Variants in PBK observed in about 807,000 individuals in gnomAD.
PBK encodes the protein PDZ binding kinase.
A neutral mutation model predicts 33.5 loss-of-function variants in PBK; 22 were observed. That is an observed-to-expected ratio of 0.66 (90% CI 0.47 to 0.94). The LOEUF (loss-of-function observed/expected upper bound fraction) is 0.94. Among genes scored for constraint, PBK ranks in the 40% least tolerant of loss-of-function variants. The pLI, the probability that PBK is intolerant of heterozygous loss-of-function variation, is 0.00. For missense variants in PBK, 376 were observed against 383.4 expected (o/e 0.98, Z 0.16); for synonymous variants, 129 against 123.8 (o/e 1.04, Z -0.28).
At chr8:27,819,746 C>G (rs9650425) in intron 6 of PBK, among the ~76,000 whole-genome samples, 23,842 of 151,720 alleles carry the variant, frequency 0.16, 2,351 homozygotes, top group East Asian at 0.36. Context: ...CTTTAAAAAC[C>G]CTCATTTTTA....
intron 6 of PBK, among the ~76,000 whole-genome samples, chr8:27,818,183 T>TGTAA (rs1383881552): frequency 6.6e-6 from 1 of 152,216 alleles, no homozygotes; most frequent in East Asian, 1.9e-4. Context: ...CCTTGGTTGT[T>TGTAA]GTAAGTCACT....
chr8:27,826,764 C>T (rs1206624432), intron 3 of PBK, among the ~76,000 whole-genome samples: 1 of 145,444 alleles, frequency 6.9e-6, no homozygotes, highest in Admixed American at 7.0e-5. Context: ...CCACTGCACT[C>T]CAGCCTGGGC....
chr8:27,814,532 A>G (rs538096250), intron 6 of PBK, among the ~76,000 whole-genome samples: 1 of 152,012 alleles, frequency 6.6e-6, no homozygotes, highest in Non-Finnish European at 1.5e-5. Flanking sequence ...ATTTCTGCTC[A>G]TAGCTTTATT....
At chr8:27,829,183 C>T (rs150113042) in intron 2 of PBK, among the ~76,000 whole-genome samples, 124 of 152,294 alleles carry the variant, frequency 8.1e-4, no homozygotes, top group African/African-American at 2.8e-3. Context: ...CCGCACATAA[C>T]AATGTGTAGA....
intron 1 of PBK, 116 bp from the exon 2 acceptor site, chr8:27,833,249 T>G: frequency 1.9e-6 from 1 of 539,076 alleles, no homozygotes; most frequent in Non-Finnish European, 3.2e-6. Flanking sequence ...CCCAGCACTT[T>G]GGGAGGCTGA....
intron 6 of PBK, among the ~76,000 whole-genome samples, chr8:27,816,943 T>C (rs561878465): frequency 6.6e-6 from 1 of 152,254 alleles, no homozygotes; most frequent in Non-Finnish European, 1.5e-5. Flanking sequence ...TAGTCTGTTC[T>C]GCTACAATGT....
intron 2 of PBK, among the ~76,000 whole-genome samples, chr8:27,832,699 G>A (rs1806152317): frequency 6.6e-6 from 1 of 152,168 alleles, no homozygotes; most frequent in Non-Finnish European, 1.5e-5. Context: ...ATATCTAGGT[G>A]TTTGTTGAAA....
chr8:27,823,641 T>C (rs1805972396), intron 3 of PBK, among the ~76,000 whole-genome samples: 1 of 152,004 alleles, frequency 6.6e-6, no homozygotes, highest in East Asian at 1.9e-4. Flanking sequence ...TATATCATCA[T>C]CCAAAGAACA....
intron 6 of PBK, among the ~76,000 whole-genome samples, chr8:27,814,770 T>C (rs974348098): frequency 6.6e-6 from 1 of 152,208 alleles, no homozygotes; most frequent in African/African-American, 2.4e-5. Flanking sequence ...GTTATTTAAA[T>C]TTGTGTTACT....
In PBK at chr8:27,813,905, ATTT is replaced by A. The variant is rs202164867; in HGVS notation, c.596-2774_596-2772del. ...TGTTTGTGAAGGATATTGGACTATGATTTTTTTTTCTTATCAGTTTATTTTTCT... is the reference window on the plus strand; with the variant it reads ...TGTTTGTGAAGGATATTGGACTATGATTTTTTCTTATCAGTTTATTTTTCT... On this transcript the variant is annotated intron_variant, in intron 6 of 7. Transcript: ENST00000301905. Among the ~76,000 whole-genome samples, 218 of 150,702 alleles carry A rather than the reference ATTT, an allele frequency of 1.4e-3. 3 individuals carry two copies. In the East Asian group the frequency reaches 0.03, roughly 20 times the overall value.
rs115243414 is a variant in PBK at position 27,829,193 on chromosome 8, A to G, written c.59-995T>C. ...CTTATCCGCACATAACAATGTGTAG[A>G]TGCCCCAAAGCTGGGAAAGCACCAG... is the stretch of plus-strand genomic sequence containing the variant. On this transcript the variant is annotated intron_variant, in intron 2 of 7. Coordinates refer to ENST00000301905, the MANE Select transcript of PBK (RefSeq NM_018492.4). Among the ~76,000 whole-genome samples, 1,442 of 152,322 alleles carry G rather than the reference A, an allele frequency of 9.5e-3. 26 individuals carry two copies. Among genetic ancestry groups the G allele is most frequent in the African/African-American group, 0.032 (1,347 of 41,556 alleles).
chr8:27,820,469 AAT>A, intron 6 of PBK, 94 bp downstream of exon 6: 1 of 770,934 alleles, frequency 1.3e-6, no homozygotes, highest in Non-Finnish European at 2.1e-6. Flanking sequence ...ACTTTTTAAA[AAT>A]AGTTTTTGAT....
At position 27,810,451 on chromosome 8, in the gene PBK, A is replaced by G. The variant is rs777244902; in HGVS notation, c.823T>C (p.Leu275=). The G allele has an allele frequency of 1.9e-6, 3 of 1,610,984 alleles. No homozygotes were observed. The highest frequency in any genetic ancestry group is 1.1e-5 in the South Asian group (1 of 90,982). The part of the protein sequence containing the change: ...DFDDEAYYAA[L]GTRPPINMEE... ...ATATTAATAGGTGGCCTAGTTCCCA[A>G]CGCTGCATAGTATGCTTCATCATCA... Residue 275 remains leucine (L), a synonymous_variant, in exon 8 of 8, where the codon TTG becomes CTG. Coordinates refer to ENST00000301905, the MANE Select transcript of PBK (RefSeq NM_018492.4).
chr8:27,836,723 T>C (rs967455424), intron 1 of PBK, among the ~76,000 whole-genome samples: 5 of 152,158 alleles, frequency 3.3e-5, no homozygotes, highest in African/African-American at 4.8e-5. Flanking sequence ...GGATTTGATA[T>C]TCAGAAGCAG....
chr8:27,826,099 CG>C (rs1169339232), intron 3 of PBK, among the ~76,000 whole-genome samples: 2 of 151,948 alleles, frequency 1.3e-5, no homozygotes, highest in East Asian at 3.9e-4. Context: ...TAACATAAAA[CG>C]GATTACATAT....
At position 27,833,106 on chromosome 8, in the gene PBK, C is replaced by T; in HGVS notation, c.8G>A (p.Gly3Glu). ME[G>E]ISNFKTPSKL... The stretch of plus-strand genomic sequence containing the variant: ...GCTTGGTGTCTTGAAATTACTGATC[C>T]CTTCCATTGTGAAAGCCACTCTCAG... Residue 3 changes from glycine to glutamate, a missense_variant, in exon 2 of 8, where the codon GGG becomes GAG. Gly to Glu is a moderately conservative substitution (Grantham distance 98). Coordinates refer to ENST00000301905, the MANE Select transcript of PBK (RefSeq NM_018492.4). The T allele has an allele frequency of 6.3e-7, 1 of 1,595,608 alleles. No homozygotes were observed.
In PBK at chr8:27,822,313, A is replaced by T; in HGVS notation, c.465+6T>A. The T allele has an allele frequency of 6.4e-7, 1 of 1,571,056 alleles. No individual in the cohort carries two copies. Among genetic ancestry groups the T allele is most frequent in the Non-Finnish European group, 8.7e-7 (1 of 1,150,178 alleles). On this transcript the variant is annotated splice_donor_region_variant and intron_variant, in intron 5 of 7. Transcript: ENST00000301905. The stretch of plus-strand genomic sequence containing the variant: ...GAAGTCATTTAAAATATAATGACAT[A>T]GTTACCTTTAACCCTCTTGCCATAT...
rs1585430506 is a variant in PBK, at chr8:27,824,989, A to G, written c.153-1784T>C. Among the ~76,000 whole-genome samples the G allele has an allele frequency of 2.6e-5, 4 of 151,788 alleles. No individual in the cohort carries two copies. The South Asian group carries it at 8.4e-4, about 32-fold the overall frequency. On this transcript the variant is annotated intron_variant, in intron 3 of 7. Coordinates refer to ENST00000301905, the MANE Select transcript of PBK (RefSeq NM_018492.4). ...ATACACATTGTTTTTATCCTTTCCA[A>G]GCCCACTAACATAATAGCAAATGGA...
intron 5 of PBK, among the ~76,000 whole-genome samples, 188 bp from the exon 6 acceptor site, chr8:27,820,882 G>A (rs1159485995): frequency 1.3e-5 from 2 of 150,474 alleles, no homozygotes; most frequent in African/African-American, 4.9e-5. Context: ...GGCATGCAGT[G>A]GCACGATCTC....
Sources: allele counts gnomAD v4.1 joint callset (sites outside exome capture counted in the v4.1 genomes callset), GRCh38; gene constraint gnomAD v4.1.1; transcripts MANE v1.5; gene names NCBI Gene and HGNC (gene_info 2026-07-23, HGNC 2026-07-21).